FGF13: variants seen among roughly 807,000 people sequenced by gnomAD.
FGF13 encodes the protein fibroblast growth factor homologous factor 2.
A neutral mutation model predicts 19.5 loss-of-function variants in FGF13; 2 were observed. That is an observed-to-expected ratio of 0.10 (90% confidence interval 0.04 to 0.32). The LOEUF is 0.32. Among genes scored for constraint, FGF13 ranks in the 10% least tolerant of loss-of-function variants. The pLI is 1.00. For synonymous variants in FGF13, 72 were observed against 76.9 expected (o/e 0.94, Z 0.33); for missense variants, 113 against 192.7 (o/e 0.59, Z 2.45).
intron 1 of FGF13, among the ~76,000 whole-genome samples, chrX:139,088,966 T>C (rs2083422326): frequency 8.9e-6 from 1 of 112,199 alleles, no homozygotes; most frequent in Non-Finnish European, 1.9e-5. Flanking sequence ...AGCCAGAAAG[T>C]GGGGTCTCAC....
chrX:138,739,737 G>A (rs1355311061), upstream of FGF13, among the ~76,000 whole-genome samples: 4 of 111,688 alleles, frequency 3.6e-5, no homozygotes, highest in Admixed American at 1.9e-4. Context: ...ATGTTGAAAT[G>A]TGTCTTTTAT....
At chrX:139,124,428 C>G (rs2083700447) in intron 1 of FGF13, among the ~76,000 whole-genome samples, 1 of 112,089 alleles carries the variant, frequency 8.9e-6, no homozygotes, top group Non-Finnish European at 1.9e-5. Context: ...ATCATCCAGT[C>G]CCTTCAGTGC....
intron 3 of FGF13, among the ~76,000 whole-genome samples, chrX:138,834,933 T>C (rs1332707443): frequency 1.8e-5 from 2 of 111,945 alleles, no homozygotes; most frequent in African/African-American, 6.5e-5. Flanking sequence ...TCATTCAGGA[T>C]CAGGTTATTC....
At chrX:139,059,297 T>C (rs1465072757) in intron 1 of FGF13, among the ~76,000 whole-genome samples, 2 of 110,887 alleles carry the variant, frequency 1.8e-5, no homozygotes, top group Non-Finnish European at 3.8e-5. Context: ...CTAGAAACCT[T>C]AGTCATTTGA....
intron 1 of FGF13, among the ~76,000 whole-genome samples, chrX:138,721,491 T>C (rs949912476): frequency 6.3e-5 from 7 of 111,657 alleles, no homozygotes; most frequent in Non-Finnish European, 1.3e-4. Flanking sequence ...TCTTTACTTA[T>C]TGCCTCTCTT....
chrX:139,068,059 C>T (rs1186937623), intron 1 of FGF13, among the ~76,000 whole-genome samples: 2 of 98,332 alleles, frequency 2.0e-5, no homozygotes, highest in African/African-American at 8.2e-5. Flanking sequence ...AAGTCCTTGC[C>T]CATGCCTATG....
At chrX:138,892,291 G>T (rs2091482069) in intron 1 of FGF13, among the ~76,000 whole-genome samples, 1 of 111,307 alleles carries the variant, frequency 9.0e-6, no homozygotes, top group African/African-American at 3.3e-5. Context: ...TATAAAATGG[G>T]CAAATGGATA....
At chrX:139,011,378 A>G (rs866279122) in intron 1 of FGF13, among the ~76,000 whole-genome samples, 21 of 103,619 alleles carry the variant, frequency 2.0e-4, no homozygotes, top group Middle Eastern at 4.8e-3. Context: ...AAAAAAAAAA[A>G]AAGAAGAAGA....
chrX:138,778,528 C>T (rs969777820), intron 3 of FGF13, among the ~76,000 whole-genome samples: 1 of 112,322 alleles, frequency 8.9e-6, no homozygotes, highest in African/African-American at 3.2e-5. Context: ...CAGGGAGTTC[C>T]CTTTCCTAGT....
At chrX:138,759,188 G>A (rs1485223422) in intron 3 of FGF13, among the ~76,000 whole-genome samples, 4 of 112,283 alleles carry the variant, frequency 3.6e-5, no homozygotes, top group Non-Finnish European at 5.6e-5. Context: ...AAGGGCTTGG[G>A]ATGGCATCAC....
At chrX:139,091,356 G>A (rs1327030458) in intron 1 of FGF13, among the ~76,000 whole-genome samples, 3 of 110,408 alleles carry the variant, frequency 2.7e-5, no homozygotes, top group Non-Finnish European at 5.7e-5. Flanking sequence ...AGGAGGGAGA[G>A]GATCAGGAAA....
intron 1 of FGF13, among the ~76,000 whole-genome samples, chrX:139,045,781 A>G (rs1250731356): frequency 8.9e-6 from 1 of 112,046 alleles, no homozygotes; most frequent in African/African-American, 3.3e-5. Context: ...TAAGTTCCTC[A>G]TTTCCATCTG....
intron 1 of FGF13, among the ~76,000 whole-genome samples, chrX:138,874,037 G>A (rs2091373305): frequency 9.7e-6 from 1 of 103,172 alleles, no homozygotes; most frequent in African/African-American, 3.5e-5. Context: ...GTAGCATTAG[G>A]AGATATACCT....
At chrX:139,048,372 T>C (rs1288944861) in intron 1 of FGF13, among the ~76,000 whole-genome samples, 1 of 111,290 alleles carries the variant, frequency 9.0e-6, no homozygotes, top group Non-Finnish European at 1.9e-5. Context: ...TTAAATTTCA[T>C]ACCTAACGGG....
intron 3 of FGF13, among the ~76,000 whole-genome samples, chrX:138,799,194 T>G (rs2123993251): frequency 8.9e-6 from 1 of 111,967 alleles, no homozygotes; most frequent in African/African-American, 3.2e-5. Flanking sequence ...GATGTGGGCA[T>G]TTGGTGCTAT....
At chrX:138,641,083 A>G (rs1474333165) in intron 3 of FGF13, among the ~76,000 whole-genome samples, 1 of 112,569 alleles carries the variant, frequency 8.9e-6, no homozygotes, top group Non-Finnish European at 1.9e-5. Context: ...CTGTGATGGC[A>G]GTGTTGCCAA....
At chrX:138,966,621 G>A (rs6635740) in intron 1 of FGF13, among the ~76,000 whole-genome samples, 24,981 of 111,168 alleles carry the variant, frequency 0.22, 2,547 homozygotes, top group South Asian at 0.4. Flanking sequence ...AGGCAGAAAG[G>A]ACTTGCCTTG....
intron 1 of FGF13, among the ~76,000 whole-genome samples, chrX:139,145,857 T>A (rs2083884171): frequency 8.9e-6 from 1 of 112,043 alleles, no homozygotes; most frequent in Non-Finnish European, 1.9e-5. Context: ...GGGGGCACAT[T>A]TCTATCTGAA....
At chrX:139,155,922 A>C (rs1345111661) in intron 1 of FGF13, among the ~76,000 whole-genome samples, 1 of 111,977 alleles carries the variant, frequency 8.9e-6, no homozygotes, top group Non-Finnish European at 1.9e-5. Context: ...TCCATTGCTA[A>C]TGGCCACCTC....
Sources: gnomAD v4.1 joint callset for allele counts (sites outside exome capture counted in the v4.1 genomes callset) on GRCh38, gnomAD v4.1.1 for gene constraint, MANE v1.5 for transcripts, NCBI Gene and HGNC (gene_info 2026-07-23, HGNC 2026-07-21) for gene names.